The following AVEN variants were observed in gnomAD, a reference collection of about 807,000 sequenced individuals.
AVEN encodes apoptosis and caspase activation inhibitor, also known as cell death regulator Aven.
A neutral mutation model predicts 38.1 loss-of-function variants in AVEN; 41 were observed. The ratio of observed to expected loss-of-function variants is 1.08; its 90% CI spans 0.84 to 1.40. AVEN has a LOEUF of 1.40. Ranked by LOEUF, AVEN falls within the 40% of genes most tolerant of loss-of-function variation. AVEN has a pLI of 0.00. For synonymous variants in AVEN, 206 were observed against 171.8 expected, an observed-to-expected ratio of 1.20 and a Z score of -1.56; for missense variants, 605 against 438.8, an observed-to-expected ratio of 1.38 and a Z score of -3.38.
intron 1 of AVEN, among the ~76,000 whole-genome samples, chr15:34,008,374 T>G (rs1897458730): frequency 6.6e-6 from 1 of 151,706 alleles, no homozygotes; most frequent in South Asian, 2.1e-4. Flanking sequence ...GAGCTGTGAT[T>G]GTGCCACTGC....
chr15:34,049,784 G>A (rs910630404), intron 5 of AVEN, among the ~76,000 whole-genome samples: 1 of 151,690 alleles, frequency 6.6e-6, no homozygotes, highest in African/African-American at 2.4e-5. Flanking sequence ...CAGCCAGAGA[G>A]AAGGGCCAGT....
chr15:33,883,659 T>A (rs1597189240), intron 2 of AVEN: 2 of 152,208 alleles, frequency 1.3e-5, no homozygotes, highest in African/African-American at 4.8e-5. Context: ...TACCTATTTT[T>A]AAAATGATTA....
At chr15:34,058,307 C>T (rs887476538) in intron 5 of AVEN, among the ~76,000 whole-genome samples, 1 of 152,054 alleles carries the variant, frequency 6.6e-6, no homozygotes, top group Non-Finnish European at 1.5e-5. Flanking sequence ...ATAAAATTAA[C>T]CATCACACTA....
At chr15:33,939,673 T>A (rs569077970) in intron 2 of AVEN, among the ~76,000 whole-genome samples, 54 of 152,304 alleles carry the variant, frequency 3.5e-4, no homozygotes, top group African/African-American at 1.3e-3. Flanking sequence ...AAAAATAGGA[T>A]GATTGCTAAA....
In AVEN at chr15:34,063,522, G is replaced by A; in HGVS notation, n.1127-90C>T. 6.2e-7 allele frequency: 1 copy of A among 1,613,674 alleles called. No individual in the cohort carries two copies. The highest frequency in any genetic ancestry group is 8.5e-7 in the Non-Finnish European group (1 of 1,180,026). On this transcript the variant is annotated intron_variant and non_coding_transcript_variant, in intron 4 of 11. Transcript: ENST00000675287. The surrounding 1 kb of genome is among the most constrained non-coding windows in gnomAD (Gnocchi z 4.1). ...CCTGGCCCAGCGGGAAAGGAACCAGGCCTCCTGGTCATCCTCCCGCAGGAG... is the reference window on the plus strand; with the variant it reads ...CCTGGCCCAGCGGGAAAGGAACCAGACCTCCTGGTCATCCTCCCGCAGGAG...
At chr15:33,857,987 A>G (rs2079880032), downstream of AVEN, 1 of 1,590,518 alleles carries the variant, frequency 6.3e-7, no homozygotes, top group Non-Finnish European at 8.6e-7. Flanking sequence ...CACTGGGAAG[A>G]AGGGCTGTGT....
intron 2 of AVEN, among the ~76,000 whole-genome samples, chr15:33,889,339 G>A (rs559720008): frequency 5.3e-5 from 8 of 152,234 alleles, no homozygotes; most frequent in African/African-American, 1.7e-4. Flanking sequence ...CCAATGCCAA[G>A]ATCATTTCTG....
At chr15:33,861,274 A>G (rs961894784), downstream of AVEN, 13 of 876,238 alleles carry the variant, frequency 1.5e-5, no homozygotes, top group African/African-American at 1.3e-4. Context: ...AAGAGTAACC[A>G]GAAAGGAACT....
At chr15:34,043,530 G>C (rs894188737), upstream of AVEN, among the ~76,000 whole-genome samples, 1 of 152,136 alleles carries the variant, frequency 6.6e-6, no homozygotes, top group African/African-American at 2.4e-5. Flanking sequence ...CTACTACTGA[G>C]GGTGCTCACC....
chr15:34,005,716 T>A (rs976550686), intron 1 of AVEN, among the ~76,000 whole-genome samples: 1 of 152,188 alleles, frequency 6.6e-6, no homozygotes, highest in Non-Finnish European at 1.5e-5. Context: ...AAATTTCTAG[T>A]TCCCCAACCA....
chr15:33,946,359 C>T (rs1894508207), intron 2 of AVEN, among the ~76,000 whole-genome samples: 1 of 152,142 alleles, frequency 6.6e-6, no homozygotes, highest in Non-Finnish European at 1.5e-5. Context: ...GTCACTCCCC[C>T]TCATCTCCTG....
intron 2 of AVEN, among the ~76,000 whole-genome samples, chr15:33,892,245 T>C (rs1221529095): frequency 6.6e-6 from 1 of 152,240 alleles, no homozygotes; most frequent in Non-Finnish European, 1.5e-5. Context: ...ATCCCATTCA[T>C]CTATTTTGGC....
intron 5 of AVEN, among the ~76,000 whole-genome samples, chr15:34,049,997 C>G (rs570489056): frequency 6.6e-6 from 1 of 151,510 alleles, no homozygotes; most frequent in Admixed American, 6.6e-5. Context: ...AAGCCATTCT[C>G]TCATCTCAGC....
intron 2 of AVEN, among the ~76,000 whole-genome samples, chr15:33,987,106 C>G (rs1350415007): frequency 1.3e-5 from 2 of 152,180 alleles, no homozygotes; most frequent in Non-Finnish European, 2.9e-5. Context: ...AATTCATTAG[C>G]ATTAATTCCA....
chr15:34,002,814 CTT>C (rs2140626453), intron 2 of AVEN, among the ~76,000 whole-genome samples: 1 of 152,318 alleles, frequency 6.6e-6, no homozygotes, highest in South Asian at 2.1e-4. Flanking sequence ...ATCGCAAAGA[CTT>C]TAGTCATTCT....
At chr15:33,940,237 T>C (rs1284322002) in intron 2 of AVEN, among the ~76,000 whole-genome samples, 1 of 152,236 alleles carries the variant, frequency 6.6e-6, no homozygotes, top group Non-Finnish European at 1.5e-5. Flanking sequence ...GAACAAGTAA[T>C]GTAAGTCTGC....
At chr15:33,926,073 A>G (rs1047483855) in intron 2 of AVEN, among the ~76,000 whole-genome samples, 4 of 152,184 alleles carry the variant, frequency 2.6e-5, no homozygotes, top group Admixed American at 1.3e-4. Flanking sequence ...TGGCAGGGGA[A>G]CATTACCAAA....
At chr15:33,903,816 T>C (rs1220983279) in intron 2 of AVEN, among the ~76,000 whole-genome samples, 1 of 112,602 alleles carries the variant, frequency 8.9e-6, no homozygotes, top group Non-Finnish European at 2.2e-5. Flanking sequence ...GAGAAATTCA[T>C]CATTAGGTGA....
At chr15:33,979,935 C>T (rs58368948) in intron 2 of AVEN, among the ~76,000 whole-genome samples, 6,053 of 152,274 alleles carry the variant, frequency 0.04, 424 homozygotes, top group African/African-American at 0.14. Context: ...CAGGTGAACA[C>T]TAACTTGTTC....
Sources: allele counts gnomAD v4.1 joint callset (sites outside exome capture counted in the v4.1 genomes callset), GRCh38; gene constraint gnomAD v4.1.1; non-coding constraint Gnocchi (gnomAD v3.1); transcripts MANE v1.5; gene names NCBI Gene and HGNC (gene_info 2026-07-23, HGNC 2026-07-21).